MED13L: variants seen among roughly 807,000 people sequenced by gnomAD.
MED13L encodes the protein mediator complex subunit 13L.
A neutral mutation model predicts 220.9 loss-of-function variants in MED13L; 7 were observed. That is an observed-to-expected ratio of 0.03 (90% CI 0.02 to 0.06). The LOEUF is 0.06. MED13L is among the 10% of genes least tolerant of loss of function. The pLI is 1.00. For missense variants in MED13L, 1,965 were observed against 2,760.5 expected, an observed-to-expected ratio of 0.71 and a Z score of 6.46; for synonymous variants, 1,011 against 1,015.2, an observed-to-expected ratio of 1.00 and a Z score of 0.08.
chr12:115,961,981 A>AC (rs1875794291), intron 30 of MED13L, among the ~76,000 whole-genome samples: 2 of 152,142 alleles, frequency 1.3e-5, no homozygotes, highest in Admixed American at 1.3e-4. Context: ...AAAAAGAAAA[A>AC]GAAAACGAAA....
intron 3 of MED13L, among the ~76,000 whole-genome samples, chr12:116,101,071 C>T (rs968068882): frequency 1.3e-5 from 2 of 152,188 alleles, no homozygotes; most frequent in Non-Finnish European, 2.9e-5. Context: ...AATACTACCA[C>T]TAATGTCTAT....
chr12:116,045,519 G>C (rs1390452220), intron 4 of MED13L, among the ~76,000 whole-genome samples: 1 of 152,108 alleles, frequency 6.6e-6, no homozygotes, highest in Non-Finnish European at 1.5e-5. Flanking sequence ...CTGTGGACTT[G>C]TAACTAATTA....
At chr12:116,230,010 C>T (rs1869399122) in intron 2 of MED13L, among the ~76,000 whole-genome samples, 2 of 152,216 alleles carry the variant, frequency 1.3e-5, no homozygotes, top group Non-Finnish European at 2.9e-5. Context: ...TTAGACCTAG[C>T]TGCCATTTAT....
In MED13L at chr12:115,996,660, C is replaced by T. The variant is rs750422287; in HGVS notation, c.2812G>A (p.Val938Ile). 24 of 1,613,892 alleles carry T rather than the reference C, an allele frequency of 1.5e-5. No individual in the cohort carries two copies. In the Admixed American group the frequency reaches 3.7e-4, roughly 25 times the overall value. The change falls in exon 16 of 31, where the codon GTT becomes ATT. Residue 938 changes from valine to isoleucine, a missense_variant. Coordinates refer to ENST00000281928, the MANE Select transcript of MED13L (RefSeq NM_015335.5). Reference sequence around the variant, plus strand: ...CCCACAAAAGGTTGAAAGGATGGAACTTTGTGCACATATGAAAAGTCCTGT... The same window carrying T: ...CCCACAAAAGGTTGAAAGGATGGAATTTTGTGCACATATGAAAAGTCCTGT... ...EIKDFSYVHK[V>I]PSFQPFVGSS...
At chr12:115,994,719 C>T (rs1414616713) in intron 16 of MED13L, among the ~76,000 whole-genome samples, 1 of 152,198 alleles carries the variant, frequency 6.6e-6, no homozygotes, top group African/African-American at 2.4e-5. Flanking sequence ...ACTGTATGTG[C>T]TAAGCTAACC....
Position 115,991,230 on chromosome 12 carries a change from A to G in MED13L, c.3724T>C (p.Phe1242Leu). The G allele has an allele frequency of 1.9e-6, 3 of 1,614,188 alleles. No homozygotes were observed. Residue 1242 changes from phenylalanine (F) to leucine (L), a missense_variant, in exon 17 of 31, where the codon TTC (phenylalanine) becomes CTC (leucine). Phe to Leu is a conservative substitution (Grantham distance 22). This residue lies in a region of MED13L where 165 missense variants were observed against 190.8 expected (regional missense o/e 0.86). Coordinates refer to ENST00000281928, the MANE Select transcript of MED13L (RefSeq NM_015335.5). This position sits in a 1 kb window ranked among gnomAD's most constrained non-coding sequence, Gnocchi z 7.7. Reference protein sequence around the residue: ...QHTQPFASLNFLDYISSNNRQ... With the variant: ...QHTQPFASLNLLDYISSNNRQ... ...TTGTTAGAGGAAATGTAGTCCAGGA[A>G]ATTCAGTGAAGCAAAAGGTTGTGTG...
intron 7 of MED13L, among the ~76,000 whole-genome samples, chr12:116,015,802 A>G (rs1034369845): frequency 6.6e-6 from 1 of 152,194 alleles, no homozygotes; most frequent in Non-Finnish European, 1.5e-5. Context: ...AACAAGGTCA[A>G]ATTTCAAATT....
chr12:116,015,374 A>C lies in MED13L; in HGVS notation c.1010-100T>G. Reference sequence around the variant, plus strand: ...ACATAAATATGCATTTTAATTGTTGAAAGTCATATACATAGCTTTTTCCCT... The same window carrying C: ...ACATAAATATGCATTTTAATTGTTGCAAGTCATATACATAGCTTTTTCCCT... On this transcript the variant is annotated intron_variant, in intron 7 of 30. Transcript: ENST00000281928. 6 of 1,265,564 alleles carry C rather than the reference A, an allele frequency of 4.7e-6. No homozygotes were observed. In the South Asian group the frequency reaches 4.8e-5, roughly 10 times the overall value. The allele number at this position is 1,265,564 out of a possible 1,614,324, so 78.4% of individuals were successfully genotyped here. A position where few individuals can be genotyped will look rare whatever the true frequency, so the allele number is the denominator to read the frequency against.
intron 4 of MED13L, among the ~76,000 whole-genome samples, chr12:116,060,101 C>G (rs555051086): frequency 1.3e-5 from 2 of 152,192 alleles, no homozygotes; most frequent in Non-Finnish European, 2.9e-5. Context: ...GAGAGGAATG[C>G]AAACTAAGCG....
intron 2 of MED13L, among the ~76,000 whole-genome samples, chr12:116,214,671 CA>C (rs1431860316): frequency 2.0e-5 from 3 of 152,052 alleles, no homozygotes; most frequent in Non-Finnish European, 4.4e-5. Flanking sequence ...ACAATTCAGA[CA>C]GGGGTAAGAA....
chr12:116,092,964 C>T (rs1329567158), intron 4 of MED13L, among the ~76,000 whole-genome samples: 1 of 152,092 alleles, frequency 6.6e-6, no homozygotes, highest in Non-Finnish European at 1.5e-5. Flanking sequence ...ATACCTGATA[C>T]CAGAAAAGAT....
chr12:116,068,749 T>C (rs1870143871), intron 4 of MED13L, among the ~76,000 whole-genome samples: 1 of 152,020 alleles, frequency 6.6e-6, no homozygotes, highest in Non-Finnish European at 1.5e-5. Flanking sequence ...GACTCCAATC[T>C]GTACTCTCCC....
At chr12:116,121,630 T>G (rs1050372594) in intron 2 of MED13L, among the ~76,000 whole-genome samples, 4 of 152,188 alleles carry the variant, frequency 2.6e-5, no homozygotes, top group African/African-American at 9.7e-5. Flanking sequence ...TTACACAGTT[T>G]AAAAGTAGAA....
chr12:116,178,967 CAT>C (rs1880286135), intron 2 of MED13L, among the ~76,000 whole-genome samples: 1 of 152,176 alleles, frequency 6.6e-6, no homozygotes, highest in Admixed American at 6.5e-5. Context: ...GCCATGAATT[CAT>C]GTTTCCCCTA....
rs542425590 is a variant in MED13L at position 116,007,645 on chromosome 12, C to CAAAAAAAAA, written c.2013-18_2013-10dup. 1,260 of 759,068 alleles carry CAAAAAAAAA rather than the reference C, an allele frequency of 1.7e-3. 15 individuals carry two copies. The highest frequency in any genetic ancestry group is 3.9e-3 in the South Asian group (160 of 41,352). 47.0% of individuals were successfully genotyped at this position (759,068 alleles called of 1,614,324 possible). A position where few individuals can be genotyped will look rare whatever the true frequency, so the allele number is the denominator to read the frequency against. ...TAGGTTGTGCTAAGAGTCTAAAAGA[C>CAAAAAAAAA]AAAAAAAAAAAAAAAAAAAAGAGCA... On this transcript the variant is annotated splice_polypyrimidine_tract_variant and intron_variant, in intron 10 of 30. Coordinates refer to ENST00000281928, the MANE Select transcript of MED13L (RefSeq NM_015335.5).
At chr12:116,061,231 CAT>C (rs1479124343) in intron 4 of MED13L, among the ~76,000 whole-genome samples, 1 of 152,058 alleles carries the variant, frequency 6.6e-6, no homozygotes, top group Admixed American at 6.6e-5. Context: ...CACAGCTAAA[CAT>C]TAACTGTTTT....
rs1360800135 is a variant in MED13L, at chr12:115,958,864, C to T, written c.*2402G>A. The T allele has an allele frequency of 6.6e-6, 1 of 152,520 alleles. No homozygotes were observed. Among genetic ancestry groups the T allele is most frequent in the Non-Finnish European group, 1.5e-5 (1 of 68,000 alleles). 9.4% of individuals were successfully genotyped at this position (152,520 alleles called of 1,614,324 possible). A position where few individuals can be genotyped will look rare whatever the true frequency, so the allele number is the denominator to read the frequency against. On this transcript the variant is annotated 3_prime_UTR_variant, in exon 31 of 31. Coordinates refer to ENST00000281928, the MANE Select transcript of MED13L (RefSeq NM_015335.5). Reference sequence around the variant, plus strand: ...AAATTCAGAACTTCCCAGAAATGTACAGCTTTTACATTTAAAAAAGGTTCT... The same window carrying T: ...AAATTCAGAACTTCCCAGAAATGTATAGCTTTTACATTTAAAAAAGGTTCT...
Position 116,019,895 on chromosome 12 carries a change from A to C in MED13L, c.703T>G (p.Leu235Val). The change falls in exon 6 of 31, where the codon TTG becomes GTG. Residue 235 changes from leucine (L) to valine (V), a missense_variant. Physicochemically the swap from Leu to Val is conservative, Grantham distance 32 (BLOSUM62 1). This residue lies in a region of MED13L where 818 missense variants were observed against 1,041.2 expected (regional missense o/e 0.79). Transcript: ENST00000281928. ...TAGAAATACTGCCATTCCTCAATCA[A>C]CTTACGAGTGGCTGGGTCTGACATC... ...YKMSDPATRKLIEEWQYFYPM... is the reference protein window; with the variant it reads ...YKMSDPATRKVIEEWQYFYPM... 1 of 1,613,328 alleles carries C rather than the reference A, an allele frequency of 6.2e-7. No individual in the cohort carries two copies. The highest frequency in any genetic ancestry group is 1.1e-5 in the South Asian group (1 of 91,042).
At chr12:116,264,616 G>A (rs1278277632) in intron 1 of MED13L, among the ~76,000 whole-genome samples, 1 of 152,024 alleles carries the variant, frequency 6.6e-6, no homozygotes, top group Non-Finnish European at 1.5e-5. Context: ...TTTCTAAGAG[G>A]TGTCTTCATC....
Sources: gnomAD v4.1 joint callset for allele counts (sites outside exome capture counted in the v4.1 genomes callset) on GRCh38, gnomAD v4.1.1 for gene constraint, gnomAD v4.1.1 regional missense constraint, Gnocchi (gnomAD v3.1) non-coding constraint, MANE v1.5 for transcripts, NCBI Gene and HGNC (gene_info 2026-07-23, HGNC 2026-07-21) for gene names.